OR2F2: variants seen among roughly 807,000 people sequenced by gnomAD.
The protein encoded by OR2F2 is olfactory receptor family 2 subfamily F member 2.
For synonymous variants in OR2F2, 161 were observed against 159.0 expected, an observed-to-expected ratio of 1.01 and a Z score of -0.09; for missense variants, 375 against 380.2, an observed-to-expected ratio of 0.99 and a Z score of 0.11.
chr7:143,935,439 C>T lies in OR2F2; in HGVS notation c.207C>T (p.Val69=), dbSNP rs180988667. ...TCTTTCTCACCAACCTCTCCCTTGTCGATGTCTCCTATGCCACAAGCGTAG... is the reference window on the plus strand; with the variant it reads ...TCTTTCTCACCAACCTCTCCCTTGTTGATGTCTCCTATGCCACAAGCGTAG... ...MYFFLTNLSL[V]DVSYATSVVP... is the part of the protein sequence containing the mutation. Residue 69 remains valine, a synonymous_variant, in exon 1 of 1, where the codon GTC becomes GTT. Transcript: ENST00000408955. The T allele has an allele frequency of 3.0e-4, 483 of 1,614,226 alleles. 3 individuals are homozygous for T. The East Asian group carries it at 8.6e-3, about 29-fold the overall frequency.
rs375012448 is a variant in OR2F2 at position 143,935,895 on chromosome 7, C to A, written c.663C>A (p.Ile221=). ...TGGTTCTGTTGTCCTACATCCGGAT[C>A]ATCTCCACCATCCTAAAGATCCAGT... ...FCLVLLSYIR[I]ISTILKIQSR... The change falls in exon 1 of 1, where the codon ATC becomes ATA. Residue 221 remains isoleucine (I), a synonymous_variant. Transcript: ENST00000408955. 3.1e-6 allele frequency: 5 copies of A among 1,614,026 alleles called. No homozygotes were observed. In the African/African-American group the frequency reaches 5.3e-5, roughly 17 times the overall value.
At position 143,935,660 on chromosome 7, in the gene OR2F2, G is replaced by A. The variant is rs766534608; in HGVS notation, c.428G>A (p.Arg143Lys). 2.5e-6 allele frequency: 4 copies of A among 1,614,106 alleles called. No homozygotes were observed. In the East Asian group the frequency reaches 6.7e-5, roughly 27 times the overall value. ...SAIMHGGLCA[R>K]LAITSWVSGS... ...ATCATGCATGGAGGGCTGTGTGCTAGGTTGGCCATCACATCCTGGGTCAGT... is the reference window on the plus strand; with the variant it reads ...ATCATGCATGGAGGGCTGTGTGCTAAGTTGGCCATCACATCCTGGGTCAGT... Residue 143 changes from arginine to lysine, a missense_variant, in exon 1 of 1, where the codon AGG (arginine) becomes AAG (lysine). Transcript: ENST00000408955.
Position 143,935,355 on chromosome 7 carries a change from G to T in OR2F2, c.123G>T (p.Gly41=). Reference sequence around the variant, plus strand: ...TCACATACCTCATGACAGTGCTGGGGAACTGTCTCATTGTCCTTCTGATCA... The same window carrying T: ...TCACATACCTCATGACAGTGCTGGGTAACTGTCTCATTGTCCTTCTGATCA... ...FLVTYLMTVL[G]NCLIVLLIRL... Residue 41 remains glycine, a synonymous_variant, in exon 1 of 1, where the codon GGG becomes GGT. Transcript: ENST00000408955. 6.2e-7 allele frequency: 1 copy of T among 1,614,086 alleles called. No individual in the cohort carries two copies. The highest frequency in any genetic ancestry group is 8.5e-7 in the Non-Finnish European group (1 of 1,179,996).
rs753541383 is a variant in OR2F2 at position 143,935,818 on chromosome 7, G to C, written c.586G>C (p.Glu196Gln). The C allele has an allele frequency of 6.2e-7, 1 of 1,614,244 alleles. No homozygotes were observed. Residue 196 changes from glutamate (E) to glutamine (Q), a missense_variant, in exon 1 of 1, where the codon GAG (glutamate) becomes CAG (glutamine). By Grantham distance (29) the Glu-to-Gln change is conservative. Coordinates refer to ENST00000408955, the MANE Select transcript of OR2F2 (RefSeq NM_001004685.1). ...GGCTTGTGTGGACACCTCCTCCAAT[G>C]AGGCTGCCATCATGGTGTCTAGCAT... ...RLACVDTSSN[E>Q]AAIMVSSIVL...
Position 143,935,345 on chromosome 7 carries a change from C to T in OR2F2, c.113C>T (p.Thr38Ile), listed in dbSNP as rs1814808033. 6.2e-7 allele frequency: 1 copy of T among 1,614,200 alleles called. No individual in the cohort carries two copies. The highest frequency in any genetic ancestry group is 8.5e-7 in the Non-Finnish European group (1 of 1,180,032). The change falls in exon 1 of 1, where the codon ACA (threonine) becomes ATA (isoleucine). Residue 38 changes from threonine to isoleucine, a missense_variant. Thr to Ile is a moderately conservative substitution (Grantham distance 89). Coordinates refer to ENST00000408955, the MANE Select transcript of OR2F2 (RefSeq NM_001004685.1). ...CTGTTCTTGGTCACATACCTCATGA[C>T]AGTGCTGGGGAACTGTCTCATTGTC... Reference protein sequence around the residue: ...FSLFLVTYLMTVLGNCLIVLL... With the variant: ...FSLFLVTYLMIVLGNCLIVLL...
chr7:143,936,112 A>C lies in OR2F2; in HGVS notation c.880A>C (p.Asn294His). 1 of 1,614,082 alleles carries C rather than the reference A, an allele frequency of 6.2e-7. No homozygotes were observed. Among genetic ancestry groups the C allele is most frequent in the East Asian group, 2.2e-5 (1 of 44,878 alleles). Residue 294 changes from asparagine to histidine, a missense_variant, in exon 1 of 1, where the codon AAT becomes CAT. Physicochemically the swap from Asn to His is moderately conservative, Grantham distance 68. Coordinates refer to ENST00000408955, the MANE Select transcript of OR2F2 (RefSeq NM_001004685.1). The stretch of plus-strand genomic sequence containing the variant: ...GAACCCTGTGATTTATAGTCTAAGG[A>C]ATAAAGAGGTGAAGGGGGCCTGGCA... ...LLNPVIYSLR[N>H]KEVKGAWHKL...
rs1277160419 is a variant in OR2F2 at position 143,935,668 on chromosome 7, A to G, written c.436A>G (p.Ile146Val). 5 of 1,614,224 alleles carry G rather than the reference A, an allele frequency of 3.1e-6. No individual in the cohort carries two copies. The highest frequency in any genetic ancestry group is 2.2e-5 in the South Asian group (2 of 91,086). The change falls in exon 1 of 1, where the codon ATC (isoleucine) becomes GTC (valine). Residue 146 changes from isoleucine to valine, a missense_variant. Coordinates refer to ENST00000408955, the MANE Select transcript of OR2F2 (RefSeq NM_001004685.1). ...MHGGLCARLA[I>V]TSWVSGSINS... ...TGGAGGGCTGTGTGCTAGGTTGGCC[A>G]TCACATCCTGGGTCAGTGGCTCCAT...
rs1443500658 is a variant in OR2F2, at chr7:143,935,802, G to A, written c.570G>A (p.Val190=). 3.1e-6 allele frequency: 5 copies of A among 1,614,062 alleles called. No homozygotes were observed. In the African/African-American group the frequency reaches 4.0e-5, roughly 13 times the overall value. Residue 190 remains valine, a synonymous_variant, in exon 1 of 1, where the codon GTG becomes GTA. Transcript: ENST00000408955. The part of the protein sequence containing the change: ...ELLAVVRLAC[V]DTSSNEAAIM... Reference sequence around the variant, plus strand: ...TAGCTGTGGTCAGGCTGGCTTGTGTGGACACCTCCTCCAATGAGGCTGCCA... The same window carrying A: ...TAGCTGTGGTCAGGCTGGCTTGTGTAGACACCTCCTCCAATGAGGCTGCCA...
In OR2F2 at chr7:143,936,130, G is replaced by A. The variant is rs1209696128; in HGVS notation, c.898G>A (p.Ala300Thr). Residue 300 changes from alanine (A) to threonine (T), a missense_variant, in exon 1 of 1, where the codon GCC (alanine) becomes ACC (threonine). By Grantham distance (58) the Ala-to-Thr change is moderately conservative. Coordinates refer to ENST00000408955, the MANE Select transcript of OR2F2 (RefSeq NM_001004685.1). ...TCTAAGGAATAAAGAGGTGAAGGGG[G>A]CCTGGCATAAACTATTAGAGAAATT... ...YSLRNKEVKG[A>T]WHKLLEKFSG... 1.2e-6 allele frequency: 2 copies of A among 1,613,258 alleles called. No homozygotes were observed.
At position 143,935,744 on chromosome 7, in the gene OR2F2, A is replaced by G. The variant is rs200267338; in HGVS notation, c.512A>G (p.Asn171Ser). The G allele has an allele frequency of 8.2e-5, 133 of 1,614,108 alleles. No homozygotes were observed. In the Admixed American group the frequency reaches 1.2e-3, roughly 15 times the overall value. The change falls in exon 1 of 1, where the codon AAC becomes AGC. Residue 171 changes from asparagine (N) to serine (S), a missense_variant. Physicochemically the swap from Asn to Ser is conservative, Grantham distance 46 (BLOSUM62 1). Coordinates refer to ENST00000408955, the MANE Select transcript of OR2F2 (RefSeq NM_001004685.1). ...AITFQLPMCT[N>S]KFIDHISCEL... Reference sequence around the variant, plus strand: ...ACCTTTCAGCTGCCCATGTGCACTAACAAGTTTATTGATCACATATCCTGT... The same window carrying G: ...ACCTTTCAGCTGCCCATGTGCACTAGCAAGTTTATTGATCACATATCCTGT...
At position 143,935,702 on chromosome 7, in the gene OR2F2, T is replaced by C. The variant is rs1472465856; in HGVS notation, c.470T>C (p.Leu157Pro). The change falls in exon 1 of 1, where the codon CTT becomes CCT. Residue 157 changes from leucine (L) to proline (P), a missense_variant. Coordinates refer to ENST00000408955, the MANE Select transcript of OR2F2 (RefSeq NM_001004685.1). Reference sequence around the variant, plus strand: ...TGGGTCAGTGGCTCCATCAACTCTCTTGTGCAGACTGCTATCACCTTTCAG... The same window carrying C: ...TGGGTCAGTGGCTCCATCAACTCTCCTGTGCAGACTGCTATCACCTTTCAG... ...TSWVSGSINS[L>P]VQTAITFQLP... is the part of the protein sequence containing the mutation. The C allele has an allele frequency of 2.5e-6, 4 of 1,614,120 alleles. No homozygotes were observed. The highest frequency in any genetic ancestry group is 3.4e-6 in the Non-Finnish European group (4 of 1,179,946).
rs371292578 is a variant in OR2F2, at chr7:143,935,461, G to A, written c.229G>A (p.Val77Ile). The part of the protein sequence containing the change: ...SLVDVSYATS[V>I]VPQLLAHFLA... The stretch of plus-strand genomic sequence containing the variant: ...TGTCGATGTCTCCTATGCCACAAGC[G>A]TAGTCCCCCAGCTGCTGGCACATTT... Residue 77 changes from valine to isoleucine, a missense_variant, in exon 1 of 1, where the codon GTA (valine) becomes ATA (isoleucine). By Grantham distance (29) the Val-to-Ile change is conservative. Transcript: ENST00000408955. 54 of 1,614,108 alleles carry A rather than the reference G, an allele frequency of 3.3e-5. No homozygotes were observed. Among genetic ancestry groups the A allele is most frequent in the African/African-American group, 9.3e-5 (7 of 75,018 alleles).
In OR2F2 at chr7:143,935,349, G is replaced by C; in HGVS notation, c.117G>C (p.Val39=). 8 of 1,614,140 alleles carry C rather than the reference G, an allele frequency of 5.0e-6. No individual in the cohort carries two copies. The highest frequency in any genetic ancestry group is 1.1e-5 in the South Asian group (1 of 91,080). ...SLFLVTYLMT[V]LGNCLIVLLI... is the part of the protein sequence containing the mutation. ...TCTTGGTCACATACCTCATGACAGTGCTGGGGAACTGTCTCATTGTCCTTC... is the reference window on the plus strand; with the variant it reads ...TCTTGGTCACATACCTCATGACAGTCCTGGGGAACTGTCTCATTGTCCTTC... The change falls in exon 1 of 1, where the codon GTG becomes GTC. Residue 39 remains valine, a synonymous_variant. Transcript: ENST00000408955.
At position 143,935,613 on chromosome 7, in the gene OR2F2, T is replaced by C. The variant is rs753216473; in HGVS notation, c.381T>C (p.Ser127=). 1 of 1,614,134 alleles carries C rather than the reference T, an allele frequency of 6.2e-7. No homozygotes were observed. The highest frequency in any genetic ancestry group is 2.2e-5 in the East Asian group (1 of 44,902). Residue 127 remains serine, a synonymous_variant, in exon 1 of 1, where the codon TCT becomes TCC. Coordinates refer to ENST00000408955, the MANE Select transcript of OR2F2 (RefSeq NM_001004685.1). The part of the protein sequence containing the change: ...VMAYDRHVAV[S]DRLRYSAIMH... ...CCTATGACCGCCATGTGGCTGTGTCTGACCGCCTGCGATACTCGGCCATCA... is the reference window on the plus strand; with the variant it reads ...CCTATGACCGCCATGTGGCTGTGTCCGACCGCCTGCGATACTCGGCCATCA...
In OR2F2 at chr7:143,935,824, G is replaced by A. The variant is rs772061021; in HGVS notation, c.592G>A (p.Ala198Thr). ...TGTGGACACCTCCTCCAATGAGGCT[G>A]CCATCATGGTGTCTAGCATTGTTCT... ...ACVDTSSNEA[A>T]IMVSSIVLLM... The change falls in exon 1 of 1, where the codon GCC (alanine) becomes ACC (threonine). Residue 198 changes from alanine (A) to threonine (T), a missense_variant. Ala to Thr is a moderately conservative substitution (Grantham distance 58). Transcript: ENST00000408955. The A allele has an allele frequency of 8.8e-5, 142 of 1,614,104 alleles. 1 individual carries two copies. The highest frequency in any genetic ancestry group is 1.1e-4 in the Non-Finnish European group (132 of 1,180,034).
chr7:143,935,262 A>G lies in OR2F2; in HGVS notation c.30A>G (p.Arg10=). The part of the protein sequence containing the change: MEIDNQTWV[R]EFILLGLSSD... ...AAATAGATAACCAGACGTGGGTGAG[A>G]GAATTTATTCTCCTTGGCTTATCCA... The change falls in exon 1 of 1, where the codon AGA becomes AGG. Residue 10 remains arginine, a synonymous_variant. Transcript: ENST00000408955. The G allele has an allele frequency of 4.3e-6, 7 of 1,613,330 alleles. No homozygotes were observed. The highest frequency in any genetic ancestry group is 5.9e-6 in the Non-Finnish European group (7 of 1,179,388).
rs1562988689 is a variant in OR2F2 at position 143,935,972 on chromosome 7, T to C, written c.740T>C (p.Val247Ala). The C allele has an allele frequency of 6.2e-7, 1 of 1,613,960 alleles. No individual in the cohort carries two copies. The highest frequency in any genetic ancestry group is 1.1e-5 in the South Asian group (1 of 91,082). ...AFHTCASHLT[V>A]VALCYGTTIF... is the part of the protein sequence containing the mutation. ...CACACGTGTGCCTCTCACCTCACGG[T>C]GGTTGCCCTGTGCTACGGCACAACG... is the stretch of plus-strand genomic sequence containing the variant. The change falls in exon 1 of 1, where the codon GTG (valine) becomes GCG (alanine). Residue 247 changes from valine to alanine, a missense_variant. Val to Ala is a moderately conservative substitution (Grantham distance 64, BLOSUM62 0). Transcript: ENST00000408955.
chr7:143,935,279 G>A lies in OR2F2; in HGVS notation c.47G>A (p.Gly16Asp). The A allele has an allele frequency of 6.2e-7, 1 of 1,613,974 alleles. No homozygotes were observed. The highest frequency in any genetic ancestry group is 8.5e-7 in the Non-Finnish European group (1 of 1,179,970). ...TGGGTGAGAGAATTTATTCTCCTTGGCTTATCCAGTGACTGGTGCACTCAG... is the reference window on the plus strand; with the variant it reads ...TGGGTGAGAGAATTTATTCTCCTTGACTTATCCAGTGACTGGTGCACTCAG... ...QTWVREFILL[G>D]LSSDWCTQIS... Residue 16 changes from glycine (G) to aspartate (D), a missense_variant, in exon 1 of 1, where the codon GGC becomes GAC. Gly to Asp is a moderately conservative substitution (Grantham distance 94, BLOSUM62 -1). Transcript: ENST00000408955.
chr7:143,935,635 A>T lies in OR2F2; in HGVS notation c.403A>T (p.Ile135Phe). 1 of 1,614,216 alleles carries T rather than the reference A, an allele frequency of 6.2e-7. No homozygotes were observed. The highest frequency in any genetic ancestry group is 1.7e-5 in the Admixed American group (1 of 60,024). The change falls in exon 1 of 1, where the codon ATC (isoleucine) becomes TTC (phenylalanine). Residue 135 changes from isoleucine to phenylalanine, a missense_variant. By Grantham distance (21) the Ile-to-Phe change is conservative (BLOSUM62 0). Transcript: ENST00000408955. ...GTCTGACCGCCTGCGATACTCGGCC[A>T]TCATGCATGGAGGGCTGTGTGCTAG... ...AVSDRLRYSA[I>F]MHGGLCARLA...
Sources: allele counts gnomAD v4.1 joint callset, GRCh38; gene constraint gnomAD v4.1.1; transcripts MANE v1.5; gene names NCBI Gene and HGNC (gene_info 2026-07-23, HGNC 2026-07-21).